The following MFSD6 variants were observed in gnomAD, a reference collection of about 807,000 sequenced individuals.
The protein encoded by MFSD6 is major facilitator superfamily domain-containing protein 6.
MFSD6 carries 26 observed loss-of-function variants against 56.3 expected under a neutral mutation model. The ratio of observed to expected loss-of-function variants is 0.46; its 90% CI spans 0.34 to 0.64. The LOEUF (loss-of-function observed/expected upper bound fraction) is 0.64, where lower values mean the gene tolerates loss of function less well. MFSD6 is among the 30% of genes least tolerant of loss of function. The pLI, the probability that MFSD6 is intolerant of heterozygous loss-of-function variation, is 0.01. For missense variants in MFSD6, 750 were observed against 986.2 expected (o/e 0.76, Z 3.21); for synonymous variants, 331 against 366.9 (o/e 0.90, Z 1.12).
At chr2:190,486,857 A>G (rs560206252) in intron 4 of MFSD6, among the ~76,000 whole-genome samples, 3 of 152,344 alleles carry the variant, frequency 2.0e-5, no homozygotes, top group African/African-American at 4.8e-5. Context: ...TTGTGACAAT[A>G]TCTGGTTTTT....
In MFSD6 at chr2:190,489,796, C is replaced by G; in HGVS notation, c.1821C>G (p.Gly607=). The part of the protein sequence containing the change: ...FGAAATFRGI[G]MACLVILLLF... ...CTGCTGCAACCTTCCGAGGAATTGGCATGGCCTGCTTGGTGATCCTACTGC... is the reference window on the plus strand; with the variant it reads ...CTGCTGCAACCTTCCGAGGAATTGGGATGGCCTGCTTGGTGATCCTACTGC... The change falls in exon 6 of 8, where the codon GGC becomes GGG. Residue 607 remains glycine (G), a synonymous_variant. Coordinates refer to ENST00000392328, the MANE Select transcript of MFSD6 (RefSeq NM_017694.4). This position sits in a 1 kb window ranked among gnomAD's most constrained non-coding sequence, Gnocchi z 6.6. 6.2e-7 allele frequency: 1 copy of G among 1,614,154 alleles called. No individual in the cohort carries two copies. Among genetic ancestry groups the G allele is most frequent in the African/African-American group, 1.3e-5 (1 of 75,066 alleles).
intron 3 of MFSD6, among the ~76,000 whole-genome samples, chr2:190,460,595 A>T (rs1687275355): frequency 6.6e-6 from 1 of 152,256 alleles, no homozygotes. Flanking sequence ...GCATAATATG[A>T]AAGTCCTCAC....
chr2:190,453,561 A>G (rs1333678837), intron 3 of MFSD6, among the ~76,000 whole-genome samples: 1 of 152,266 alleles, frequency 6.6e-6, no homozygotes, highest in African/African-American at 2.4e-5. Flanking sequence ...AAGCAGTGCC[A>G]TAGAGCAGGA....
Position 190,456,169 on chromosome 2 carries a change from G to T in MFSD6, c.1533-13589G>T, listed in dbSNP as rs1187300245. On this transcript the variant is annotated intron_variant, in intron 3 of 7. Transcript: ENST00000392328. This position sits in a 1 kb window ranked among gnomAD's most constrained non-coding sequence, Gnocchi z 5.4. The stretch of plus-strand genomic sequence containing the variant: ...TTGGTCAGGCTGGTCTCAAACTCCT[G>T]ACCTCAGGTGATCTACCCGCCTCAG... Among the ~76,000 whole-genome samples, 1 of 151,892 alleles carries T rather than the reference G, an allele frequency of 6.6e-6. No homozygotes were observed. Among genetic ancestry groups the T allele is most frequent in the Non-Finnish European group, 1.5e-5 (1 of 67,962 alleles).
In MFSD6 at chr2:190,451,450, G is replaced by T. The variant is rs565621776; in HGVS notation, c.1532+13889G>T. On this transcript the variant is annotated intron_variant, in intron 3 of 7. Transcript: ENST00000392328. The surrounding 1 kb of genome is among the most constrained non-coding windows in gnomAD (Gnocchi z 5.0). ...GACAGGCACTGTGCTATAATCTAGG[G>T]ATATATGGAATCTGTAATAAGAAAG... 1.3e-5 allele frequency among the ~76,000 whole-genome samples: 2 copies of T among 152,298 alleles called. No homozygotes were observed. The highest frequency in any genetic ancestry group is 3.9e-4 in the East Asian group (2 of 5,192).
At chr2:190,477,986 A>G (rs775042259) in intron 4 of MFSD6, among the ~76,000 whole-genome samples, 1 of 152,138 alleles carries the variant, frequency 6.6e-6, no homozygotes, top group Admixed American at 6.5e-5. Flanking sequence ...AGAGAACAGA[A>G]TGGCCTCTTC....
Position 190,437,803 on chromosome 2 carries a change from AAAAGACCT to A in MFSD6, c.1532+244_1532+251del, listed in dbSNP as rs1483466561. Among the ~76,000 whole-genome samples the A allele has an allele frequency of 1.3e-5, 2 of 152,160 alleles. No individual in the cohort carries two copies. The highest frequency in any genetic ancestry group is 2.9e-5 in the Non-Finnish European group (2 of 68,024). On this transcript the variant is annotated intron_variant, in intron 3 of 7. Transcript: ENST00000392328. This position sits in a 1 kb window ranked among gnomAD's most constrained non-coding sequence, Gnocchi z 5.9. ...CTTCCTCTGCTCTCCCACCCCACAGAAAAGACCTATAGGCTACCTAGCTGTGTGCTAAG... is the reference window on the plus strand; with the variant it reads ...CTTCCTCTGCTCTCCCACCCCACAGAATAGGCTACCTAGCTGTGTGCTAAG...
At chr2:190,475,672 A>T (rs1159997572) in intron 4 of MFSD6, among the ~76,000 whole-genome samples, 2 of 152,220 alleles carry the variant, frequency 1.3e-5, no homozygotes, top group African/African-American at 2.4e-5. Context: ...ATCCCCATGA[A>T]GCTACCAATG....
chr2:190,420,942 A>C (rs1209667887), intron 2 of MFSD6, among the ~76,000 whole-genome samples: 2 of 152,252 alleles, frequency 1.3e-5, no homozygotes, highest in Admixed American at 6.5e-5. Flanking sequence ...GTCATATTAC[A>C]GAAACATTTC....
rs1687651347 is a variant in MFSD6, at chr2:190,467,199, A to T, written c.1533-2559A>T. ...ACTGGTTCTCCACCCTGGCTCAGTA[A>T]GAGAACAACCTGGGGAACTTTCAAA... On this transcript the variant is annotated intron_variant, in intron 3 of 7. Transcript: ENST00000392328. This position sits in a 1 kb window ranked among gnomAD's most constrained non-coding sequence, Gnocchi z 5.5. Among the ~76,000 whole-genome samples the T allele has an allele frequency of 6.6e-6, 1 of 152,258 alleles. No individual in the cohort carries two copies. Among genetic ancestry groups the T allele is most frequent in the Non-Finnish European group, 1.5e-5 (1 of 68,050 alleles).
intron 4 of MFSD6, among the ~76,000 whole-genome samples, chr2:190,474,241 C>T (rs1291959247): frequency 1.3e-5 from 2 of 151,974 alleles, no homozygotes; most frequent in Non-Finnish European, 2.9e-5. Context: ...GAAATAGAGA[C>T]ACAAAAAACC....
In MFSD6 at chr2:190,471,009, TTAA is replaced by T. The variant is rs1222847216; in HGVS notation, c.1630+1161_1630+1163del. ...TATATAGAAAATGGAAACTTGGTCT[TTAA>T]TAATAAGAAATTATTGTTTCTAATA... On this transcript the variant is annotated intron_variant, in intron 4 of 7. Coordinates refer to ENST00000392328, the MANE Select transcript of MFSD6 (RefSeq NM_017694.4). The surrounding 1 kb of genome is among the most constrained non-coding windows in gnomAD (Gnocchi z 4.7). Among the ~76,000 whole-genome samples, 1 of 152,184 alleles carries T rather than the reference TTAA, an allele frequency of 6.6e-6. No homozygotes were observed. The highest frequency in any genetic ancestry group is 1.5e-5 in the Non-Finnish European group (1 of 68,036).
chr2:190,422,651 G>A (rs574308293), intron 2 of MFSD6, among the ~76,000 whole-genome samples: 89 of 152,254 alleles, frequency 5.8e-4, no homozygotes, highest in African/African-American at 2.1e-3. Context: ...TTGTCCCAGT[G>A]TTCTGAAACG....
rs1687558630 is a variant in MFSD6, at chr2:190,465,539, T to G, written c.1533-4219T>G. Among the ~76,000 whole-genome samples, 1 of 152,174 alleles carries G rather than the reference T, an allele frequency of 6.6e-6. No homozygotes were observed. The highest frequency in any genetic ancestry group is 1.5e-5 in the Non-Finnish European group (1 of 68,028). ...AAAAAATTCTAGGACCCTGAACATA[T>G]GCTCATATTCAGCATAAAAAAGAAT... On this transcript the variant is annotated intron_variant, in intron 3 of 7. Transcript: ENST00000392328. This position sits in a 1 kb window ranked among gnomAD's most constrained non-coding sequence, Gnocchi z 4.6.
At chr2:190,427,609 T>C (rs1685820834) in intron 2 of MFSD6, among the ~76,000 whole-genome samples, 1 of 152,236 alleles carries the variant, frequency 6.6e-6, no homozygotes, top group Non-Finnish European at 1.5e-5. Context: ...TTTTTGTCTA[T>C]CTTTCAGAGT....
chr2:190,499,612 G>A lies in MFSD6; in HGVS notation c.2173-403G>A, dbSNP rs1290621593. Among the ~76,000 whole-genome samples, 2 of 152,238 alleles carry A rather than the reference G, an allele frequency of 1.3e-5. No individual in the cohort carries two copies. The highest frequency in any genetic ancestry group is 2.9e-5 in the Non-Finnish European group (2 of 68,040). On this transcript the variant is annotated intron_variant, in intron 7 of 7. Coordinates refer to ENST00000392328, the MANE Select transcript of MFSD6 (RefSeq NM_017694.4). The surrounding 1 kb of genome is among the most constrained non-coding windows in gnomAD (Gnocchi z 6.0). ...TTATTTACCTCCTGTTAGACAAAGTGTCTTCTGGCTCTTGGATTCTGTGGT... is the reference window on the plus strand; with the variant it reads ...TTATTTACCTCCTGTTAGACAAAGTATCTTCTGGCTCTTGGATTCTGTGGT...
chr2:190,497,916 C>G lies in MFSD6; in HGVS notation c.2172+197C>G. On this transcript the variant is annotated intron_variant, in intron 7 of 7. Transcript: ENST00000392328. The surrounding 1 kb of genome is among the most constrained non-coding windows in gnomAD (Gnocchi z 5.2). ...TACAAGGTCCCATAGAGAGAATATT[C>G]TGCCTTATGGAGTTCAGGAAAACTT... 5.2e-6 allele frequency: 3 copies of G among 578,270 alleles called. No homozygotes were observed. The allele number at this position is 578,270 out of a possible 1,614,324, so 35.8% of individuals were successfully genotyped here. A position where few individuals can be genotyped will look rare whatever the true frequency, so the allele number is the denominator to read the frequency against.
chr2:190,483,507 C>T (rs1688820168), intron 4 of MFSD6, among the ~76,000 whole-genome samples: 1 of 152,134 alleles, frequency 6.6e-6, no homozygotes, highest in South Asian at 2.1e-4. Context: ...AAACACTTAG[C>T]ACAATTCCTT....
chr2:190,475,627 C>T (rs1292316591), intron 4 of MFSD6, among the ~76,000 whole-genome samples: 1 of 152,132 alleles, frequency 6.6e-6, no homozygotes, highest in African/African-American at 2.4e-5. Context: ...GTGAAAATGG[C>T]CATACTGCCC....
Sources: gnomAD v4.1 joint callset for allele counts (sites outside exome capture counted in the v4.1 genomes callset) on GRCh38, gnomAD v4.1.1 for gene constraint, Gnocchi (gnomAD v3.1) non-coding constraint, MANE v1.5 for transcripts, NCBI Gene and HGNC (gene_info 2026-07-23, HGNC 2026-07-21) for gene names.